The following CNGA1 variants were observed in gnomAD, a reference collection of about 807,000 sequenced individuals.
CNGA1 encodes cyclic nucleotide-gated channel alpha-1.
Under a neutral mutation model 69.7 loss-of-function variants are expected in CNGA1, and 53 were observed. The observed-to-expected ratio is 0.76, with a 90% CI of 0.61 to 0.96. CNGA1 has a LOEUF of 0.96. CNGA1 is among the 40% of genes least tolerant of loss of function. The pLI is 0.00. For missense variants in CNGA1, 739 were observed against 811.2 expected (o/e 0.91, Z 1.08); for synonymous variants, 249 against 283.5 (o/e 0.88, Z 1.22).
intron 2 of CNGA1, among the ~76,000 whole-genome samples, chr4:48,006,048 T>C (rs747753979): frequency 2.2e-4 from 34 of 152,298 alleles, no homozygotes; most frequent in South Asian, 1.5e-3. Flanking sequence ...AACAAAAGAA[T>C]CAGCACCATT....
At chr4:47,967,545 T>C (rs1740790049) in intron 3 of CNGA1, among the ~76,000 whole-genome samples, 1 of 152,076 alleles carries the variant, frequency 6.6e-6, no homozygotes. Context: ...TAGTCAACCA[T>C]AAAATAAATT....
At chr4:47,963,441 T>C (rs1045422197) in intron 3 of CNGA1, among the ~76,000 whole-genome samples, 7 of 152,224 alleles carry the variant, frequency 4.6e-5, no homozygotes, top group African/African-American at 1.7e-4. Context: ...CTGGTCTCTT[T>C]TGGAACACTT....
intron 2 of CNGA1, among the ~76,000 whole-genome samples, chr4:47,997,756 A>G (rs1714452341): frequency 6.6e-6 from 1 of 152,214 alleles, no homozygotes. Context: ...CATTGTCTCA[A>G]CACAATTTAT....
At chr4:47,950,966 C>A (rs543011778) in intron 5 of CNGA1, among the ~76,000 whole-genome samples, 36 of 152,306 alleles carry the variant, frequency 2.4e-4, no homozygotes, top group Non-Finnish European at 4.4e-4. Context: ...TCAGAAAGGA[C>A]TGGGTTTCTT....
In CNGA1 at chr4:47,943,373, C is replaced by G; in HGVS notation, c.327G>C (p.Lys109Asn). ...EEKKKKKKEK[K>N]SKSDDKNENK... ...GGTAATTCTTGCCAAAGTCTTACCTCTTCTTTTCTTTTTTCTTTTTCTTTT... is the reference window on the plus strand; with the variant it reads ...GGTAATTCTTGCCAAAGTCTTACCTGTTCTTTTCTTTTTTCTTTTTCTTTT... Residue 109 changes from lysine (K) to asparagine (N), a missense_variant and splice_region_variant, in exon 7 of 11, where the codon AAG (lysine) becomes AAC (asparagine). Coordinates refer to ENST00000514170, the MANE Select transcript of CNGA1 (RefSeq NM_001379270.1). 1 of 1,523,910 alleles carries G rather than the reference C, an allele frequency of 6.6e-7. No individual in the cohort carries two copies. Among genetic ancestry groups the G allele is most frequent in the Non-Finnish European group, 8.8e-7 (1 of 1,134,980 alleles). The allele number at this position is 1,523,910 out of a possible 1,614,324, so 94.4% of individuals were successfully genotyped here. A position where few individuals can be genotyped will look rare whatever the true frequency, so the allele number is the denominator to read the frequency against.
Position 47,938,914 on chromosome 4 carries a change from A to AAAAG in CNGA1, c.653-1089_653-1086dup, listed in dbSNP as rs557346459. ...TCTCTATGATATTATTTGAAAGAAA[A>AAAAG]AAAGAAAGAAAGAAAGAGAGAGAGA... On this transcript the variant is annotated intron_variant, in intron 10 of 10. Transcript: ENST00000514170. Among the ~76,000 whole-genome samples the AAAAG allele has an allele frequency of 2.2e-4, 33 of 151,716 alleles. No homozygotes were observed. The East Asian group carries it at 6.3e-3, about 29-fold the overall frequency.
rs189312441 is a variant in CNGA1, at chr4:48,002,041, G to A, written c.-123+8753C>T. 2.3e-3 allele frequency among the ~76,000 whole-genome samples: 354 copies of A among 152,274 alleles called. 1 individual carries two copies. Among genetic ancestry groups the A allele is most frequent in the Admixed American group, 7.1e-3 (108 of 15,294 alleles). ...AATATATCAAAATTTGTGGGATGGA[G>A]CTAAAGCAGTATTTGGAGGCAAATG... is the stretch of plus-strand genomic sequence containing the variant. On this transcript the variant is annotated intron_variant, in intron 2 of 10. Coordinates refer to ENST00000514170, the MANE Select transcript of CNGA1 (RefSeq NM_001379270.1).
chr4:47,971,342 A>C (rs1419643056), intron 3 of CNGA1, among the ~76,000 whole-genome samples: 1 of 152,112 alleles, frequency 6.6e-6, no homozygotes, highest in Non-Finnish European at 1.5e-5. Flanking sequence ...TATTTTATAC[A>C]TTTTGAATGT....
intron 1 of CNGA1, among the ~76,000 whole-genome samples, chr4:48,015,301 C>G (rs1426724049): frequency 6.6e-6 from 1 of 152,180 alleles, no homozygotes; most frequent in Non-Finnish European, 1.5e-5. Flanking sequence ...TTCCACTCTC[C>G]GTGGTGTTCC....
At position 47,936,530 on chromosome 4, in the gene CNGA1, A is replaced by T; in HGVS notation, c.1952T>A (p.Leu651Gln). The T allele has an allele frequency of 6.2e-7, 1 of 1,614,166 alleles. No homozygotes were observed. The highest frequency in any genetic ancestry group is 2.2e-5 in the East Asian group (1 of 44,878). ...LAEYESMQQK[L>Q]KQRLTKVEKF... ...CTCAACCTTGGTTAATCTTTGTTTC[A>T]GTTTCTGCTGCATGGACTCATACTC... Residue 651 changes from leucine (L) to glutamine (Q), a missense_variant, in exon 11 of 11, where the codon CTG (leucine) becomes CAG (glutamine). Leu to Gln is a moderately radical substitution (Grantham distance 113). Transcript: ENST00000514170.
At chr4:48,003,231 G>A (rs1280498570) in intron 2 of CNGA1, among the ~76,000 whole-genome samples, 1 of 152,096 alleles carries the variant, frequency 6.6e-6, no homozygotes, top group African/African-American at 2.4e-5. Flanking sequence ...GCAGGGAGGG[G>A]GCTTTCAGGT....
intron 3 of CNGA1, among the ~76,000 whole-genome samples, chr4:47,980,958 AG>A (rs1741679082): frequency 7.1e-6 from 1 of 140,162 alleles, no homozygotes; most frequent in Non-Finnish European, 1.6e-5. Context: ...ATGTTGATAA[AG>A]TATCTGATAC....
At chr4:47,989,008 G>T (rs996594854) in intron 2 of CNGA1, among the ~76,000 whole-genome samples, 20 of 152,026 alleles carry the variant, frequency 1.3e-4, no homozygotes, top group Admixed American at 6.6e-5. Context: ...TTACATGCTA[G>T]ACACTGGGCA....
chr4:47,976,109 C>G (rs1003670419), intron 3 of CNGA1, among the ~76,000 whole-genome samples: 41 of 147,462 alleles, frequency 2.8e-4, no homozygotes, highest in African/African-American at 9.7e-4. Context: ...TTTCCTATAT[C>G]TTAAATCACT....
intron 2 of CNGA1, among the ~76,000 whole-genome samples, chr4:47,999,258 T>C (rs1426633635): frequency 6.6e-6 from 1 of 152,214 alleles, no homozygotes; most frequent in African/African-American, 2.4e-5. Flanking sequence ...ATAGTGTATA[T>C]AAAATTTGGT....
intron 6 of CNGA1, among the ~76,000 whole-genome samples, chr4:47,947,978 C>T (rs1233741641): frequency 1.3e-5 from 2 of 152,176 alleles, no homozygotes; most frequent in East Asian, 3.8e-4. Flanking sequence ...TAATCAGTCA[C>T]TTGATGGCAA....
At chr4:47,939,278 T>C (rs1250977643) in intron 10 of CNGA1, among the ~76,000 whole-genome samples, 1 of 152,154 alleles carries the variant, frequency 6.6e-6, no homozygotes, top group Non-Finnish European at 1.5e-5. Flanking sequence ...CCCTGAACTA[T>C]GGGGTTTGGA....
Position 47,943,188 on chromosome 4 carries a change from T to G in CNGA1, c.430A>C (p.Lys144Gln). 6.2e-7 allele frequency: 1 copy of G among 1,602,060 alleles called. No homozygotes were observed. The highest frequency in any genetic ancestry group is 8.5e-7 in the Non-Finnish European group (1 of 1,171,564). Residue 144 changes from lysine to glutamine, a missense_variant, in exon 8 of 11, where the codon AAA becomes CAA. By Grantham distance (53) the Lys-to-Gln change is moderately conservative. Transcript: ENST00000514170. Reference sequence around the variant, plus strand: ...GCCACTAAAAGTGCTTACTCTTCTTTCTTATCTTTGCTTTTCTCCTCTTTC... The same window carrying G: ...GCCACTAAAAGTGCTTACTCTTCTTGCTTATCTTTGCTTTTCTCCTCTTTC... ...KKKEEKSKDKKEEEKKEVVVI... is the reference protein window; with the variant it reads ...KKKEEKSKDKQEEEKKEVVVI...
At chr4:47,952,873 G>C in intron 3 of CNGA1, 170 bp from the exon 4 acceptor site, 2 of 384,058 alleles carry the variant, frequency 5.2e-6, no homozygotes, top group Non-Finnish European at 9.0e-6. Flanking sequence ...GCTCCACATG[G>C]CTAGGGGGAG....
Sources: allele counts gnomAD v4.1 joint callset (sites outside exome capture counted in the v4.1 genomes callset), GRCh38; gene constraint gnomAD v4.1.1; transcripts MANE v1.5; gene names NCBI Gene and HGNC (gene_info 2026-07-23, HGNC 2026-07-21).